RNASEH1: variants seen among roughly 807,000 people sequenced by gnomAD.
RNASEH1 encodes the protein ribonuclease H1.
Under a neutral mutation model 34.6 loss-of-function variants are expected in RNASEH1, and 27 were observed. The observed-to-expected ratio is 0.78, with a 90% CI of 0.58 to 1.08. RNASEH1 has a LOEUF of 1.08. Ranked by LOEUF, RNASEH1 falls within the 50% of genes least tolerant of loss-of-function variation. The pLI is 0.00. For missense variants in RNASEH1, 349 were observed against 373.6 expected, an observed-to-expected ratio of 0.93 and a Z score of 0.54; for synonymous variants, 162 against 138.4, an observed-to-expected ratio of 1.17 and a Z score of -1.20.
At chr2:3,546,727 C>T (rs896328609) in intron 7 of RNASEH1, among the ~76,000 whole-genome samples, 6 of 152,292 alleles carry the variant, frequency 3.9e-5, no homozygotes, top group South Asian at 2.1e-4. Flanking sequence ...GCCGAGATTG[C>T]GCCACTGCAC....
downstream of RNASEH1, among the ~76,000 whole-genome samples, chr2:3,540,126 T>C (rs897224460): frequency 6.6e-6 from 1 of 152,192 alleles, no homozygotes; most frequent in Non-Finnish European, 1.5e-5. Context: ...ACGAACATCC[T>C]ATTAAAGCAG....
At chr2:3,548,561 C>G in intron 6 of RNASEH1, 79 bp downstream of exon 6, 1 of 930,092 alleles carries the variant, frequency 1.1e-6, no homozygotes, top group South Asian at 1.4e-5. Flanking sequence ...CATTTGGGTC[C>G]TGCCCTGTTA....
chr2:3,548,677 T>C lies in RNASEH1; in HGVS notation c.612A>G (p.Lys204=), dbSNP rs781160870. 6.2e-7 allele frequency: 1 copy of C among 1,612,550 alleles called. No homozygotes were observed. The highest frequency in any genetic ancestry group is 8.5e-7 in the Non-Finnish European group (1 of 1,178,646). The change falls in exon 6 of 8, where the codon AAA becomes AAG. Residue 204 remains lysine, a synonymous_variant. Transcript: ENST00000315212. ...IEQAKTQNIN[K]LVLYTDSMFT... The stretch of plus-strand genomic sequence containing the variant: ...ACATACTGTCTGTATACAGAACCAG[T>C]TTATTGATGTTTTGAGTCTTTGCTT...
downstream of RNASEH1, among the ~76,000 whole-genome samples, chr2:3,539,697 TCA>T (rs1247351753): frequency 4.6e-5 from 7 of 152,186 alleles, no homozygotes; most frequent in Non-Finnish European, 7.3e-5. Context: ...TGTCAGCTCA[TCA>T]CGTTATTAAA....
intron 3 of RNASEH1, among the ~76,000 whole-genome samples, chr2:3,550,796 G>A (rs371040998): frequency 6.2e-4 from 94 of 152,196 alleles, no homozygotes; most frequent in African/African-American, 2.2e-3. Flanking sequence ...CTGTCTCCAC[G>A]GCAGGGTCAC....
chr2:3,557,673 A>G lies in RNASEH1; in HGVS notation c.128+460T>C, dbSNP rs1472647679. The G allele has an allele frequency of 6.2e-5, 25 of 405,536 alleles. No homozygotes were observed. The Admixed American group carries it at 7.0e-4, about 11-fold the overall frequency. 25.1% of individuals were successfully genotyped at this position (405,536 alleles called of 1,614,324 possible). ...CCTGAAAGTGAGAATAATCCCTCTCACCTCCAAGGGTTGTTACAAGGATCC... is the reference window on the plus strand; with the variant it reads ...CCTGAAAGTGAGAATAATCCCTCTCGCCTCCAAGGGTTGTTACAAGGATCC... On this transcript the variant is annotated intron_variant, in intron 1 of 7. Transcript: ENST00000315212.
rs1412372352 is a variant in RNASEH1, at chr2:3,542,876, GCAA to G, written c.*2906_*2908del. Among the ~76,000 whole-genome samples, 3 of 152,260 alleles carry G rather than the reference GCAA, an allele frequency of 2.0e-5. No homozygotes were observed. The highest frequency in any genetic ancestry group is 3.9e-4 in the East Asian group (2 of 5,182). Reference sequence around the variant, plus strand: ...ATATTCTTCCTTTAAATATGTGTGTGCAATGTTTGTATTTTTTTAAAGCTCCGT... The same window carrying G: ...ATATTCTTCCTTTAAATATGTGTGTGTGTTTGTATTTTTTTAAAGCTCCGT... On this transcript the variant is annotated 3_prime_UTR_variant, in exon 8 of 8. Transcript: ENST00000315212.
Position 3,541,721 on chromosome 2 carries a change from C to T in RNASEH1, c.*4064G>A, listed in dbSNP as rs1221114022. Among the ~76,000 whole-genome samples, 1 of 152,192 alleles carries T rather than the reference C, an allele frequency of 6.6e-6. No homozygotes were observed. The highest frequency in any genetic ancestry group is 1.5e-5 in the Non-Finnish European group (1 of 68,026). ...GCCTGAACATGGAGGACACGAGGGACGGTTTAGACCGGGGTGTGAAACTGC... is the reference window on the plus strand; with the variant it reads ...GCCTGAACATGGAGGACACGAGGGATGGTTTAGACCGGGGTGTGAAACTGC... On this transcript the variant is annotated 3_prime_UTR_variant, in exon 8 of 8. Coordinates refer to ENST00000315212, the MANE Select transcript of RNASEH1 (RefSeq NM_002936.6).
At chr2:3,548,976 A>AT in intron 5 of RNASEH1, 82 bp downstream of exon 5, 1 of 1,118,166 alleles carries the variant, frequency 8.9e-7, no homozygotes, top group Non-Finnish European at 1.3e-6. Context: ...ATGTATAGGT[A>AT]GAAAAAAAAA....
At chr2:3,551,219 C>A (rs918946847) in intron 3 of RNASEH1, among the ~76,000 whole-genome samples, 1 of 152,256 alleles carries the variant, frequency 6.6e-6, no homozygotes. Context: ...TGGGGATGTG[C>A]TCCTCACAGG....
In RNASEH1 at chr2:3,547,833, G is replaced by A. The variant is rs188708739; in HGVS notation, c.774+98C>T. ...TTATGATATTAATATCATGGAAATTGTTATGTCATTAAACCACTTACATAA... is the reference window on the plus strand; with the variant it reads ...TTATGATATTAATATCATGGAAATTATTATGTCATTAAACCACTTACATAA... On this transcript the variant is annotated intron_variant, in intron 7 of 7. Coordinates refer to ENST00000315212, the MANE Select transcript of RNASEH1 (RefSeq NM_002936.6). 131 of 1,150,572 alleles carry A rather than the reference G, an allele frequency of 1.1e-4. 2 individuals are homozygous for A. The East Asian group carries it at 2.8e-3, about 25-fold the overall frequency. 71.3% of individuals were successfully genotyped at this position (1,150,572 alleles called of 1,614,324 possible).
chr2:3,557,939 T>C, intron 1 of RNASEH1, 194 bp downstream of exon 1: 1 of 1,528,518 alleles, frequency 6.5e-7, no homozygotes, highest in Admixed American at 2.0e-5. Flanking sequence ...TTCGGTGCGT[T>C]CCAGTCCCAG....
At chr2:3,548,552 A>G (rs1283500914) in intron 6 of RNASEH1, 88 bp downstream of exon 6, 2 of 829,950 alleles carry the variant, frequency 2.4e-6, no homozygotes, top group African/African-American at 3.4e-5. Flanking sequence ...CCCCGTTCCC[A>G]TTTGGGTCCT....
In RNASEH1 at chr2:3,545,569, C is replaced by T. The variant is rs1668666871; in HGVS notation, c.*216G>A. On this transcript the variant is annotated 3_prime_UTR_variant, in exon 8 of 8. Coordinates refer to ENST00000315212, the MANE Select transcript of RNASEH1 (RefSeq NM_002936.6). ...CAGTAAACATAATGTGGAAATCTCA[C>T]ATAATTCTCCAATCTCAAAGATGTT... The T allele has an allele frequency of 1.8e-6, 1 of 561,296 alleles. No homozygotes were observed. Among genetic ancestry groups the T allele is most frequent in the Admixed American group, 3.0e-5 (1 of 32,992 alleles). 34.8% of individuals were successfully genotyped at this position (561,296 alleles called of 1,614,324 possible).
chr2:3,539,998 G>A (rs1438599096), downstream of RNASEH1, among the ~76,000 whole-genome samples: 1 of 151,788 alleles, frequency 6.6e-6, no homozygotes, highest in Admixed American at 6.6e-5. Flanking sequence ...CAAGATGGCA[G>A]AGTGGCTACC....
downstream of RNASEH1, among the ~76,000 whole-genome samples, chr2:3,539,049 T>C (rs953474628): frequency 6.6e-6 from 1 of 152,268 alleles, no homozygotes; most frequent in Non-Finnish European, 1.5e-5. Context: ...TGTTAGTTTT[T>C]TTTCAATTTC....
At position 3,553,182 on chromosome 2, in the gene RNASEH1, A is replaced by C. The variant is rs183708609; in HGVS notation, c.245-874T>G. Among the ~76,000 whole-genome samples the C allele has an allele frequency of 3.6e-3, 546 of 151,446 alleles. 3 individuals carry two copies. Among genetic ancestry groups the C allele is most frequent in the African/African-American group, 0.012 (497 of 41,324 alleles). On this transcript the variant is annotated intron_variant, in intron 2 of 7. Transcript: ENST00000315212. ...AGAATGGTGTGAACCCAGGAGGTGG[A>C]GCTTACAGTGAGCGGAGATCGCGCC...
At chr2:3,553,329 T>A (rs546222980) in intron 2 of RNASEH1, among the ~76,000 whole-genome samples, 1 of 152,232 alleles carries the variant, frequency 6.6e-6, no homozygotes, top group African/African-American at 2.4e-5. Flanking sequence ...CAGCTTTTCT[T>A]TTGCAACAAA....
At position 3,545,665 on chromosome 2, in the gene RNASEH1, G is replaced by C. The variant is rs1434186358; in HGVS notation, c.*120C>G. On this transcript the variant is annotated 3_prime_UTR_variant, in exon 8 of 8. Transcript: ENST00000315212. ...AAGGCCACTGTGCCTGATTCCGTGT[G>C]AAAGACGCATCTGCCCATCACTGCA... 1 of 707,416 alleles carries C rather than the reference G, an allele frequency of 1.4e-6. No individual in the cohort carries two copies. The highest frequency in any genetic ancestry group is 1.8e-5 in the African/African-American group (1 of 56,476). The allele number at this position is 707,416 out of a possible 1,614,324, so 43.8% of individuals were successfully genotyped here.
Sources: allele counts gnomAD v4.1 joint callset (sites outside exome capture counted in the v4.1 genomes callset), GRCh38; gene constraint gnomAD v4.1.1; transcripts MANE v1.5; gene names NCBI Gene and HGNC (gene_info 2026-07-23, HGNC 2026-07-21).